Variants in RASA3 observed in about 807,000 individuals in gnomAD.
RASA3 encodes RAS p21 protein activator 3.
Under a neutral mutation model 110.0 loss-of-function variants are expected in RASA3, and 73 were observed. The ratio of observed to expected loss-of-function variants is 0.66; its 90% confidence interval spans 0.55 to 0.81. RASA3 has a LOEUF of 0.81. RASA3 is among the 30% of genes least tolerant of loss of function. RASA3 has a pLI of 0.00. For synonymous variants in RASA3, 500 were observed against 451.4 expected, an observed-to-expected ratio of 1.11 and a Z score of -1.37; for missense variants, 976 against 1,113.2, an observed-to-expected ratio of 0.88 and a Z score of 1.75.
At chr13:113,993,349 T>C (rs1355165907) in intron 21 of RASA3, among the ~76,000 whole-genome samples, 2 of 152,060 alleles carry the variant, frequency 1.3e-5, no homozygotes, top group African/African-American at 4.8e-5. Context: ...CTAATTTTTG[T>C]ATTTTTAGTA....
At chr13:113,981,420 T>G (rs143823186) in intron 23 of RASA3, among the ~76,000 whole-genome samples, 1 of 152,012 alleles carries the variant, frequency 6.6e-6, no homozygotes, top group Non-Finnish European at 1.5e-5. Context: ...AGGAAGCAGG[T>G]CAGGGAGGCA....
intron 14 of RASA3, among the ~76,000 whole-genome samples, chr13:114,013,744 CTCT>C (rs2053707566): frequency 6.5e-5 from 1 of 15,318 alleles, no homozygotes; most frequent in African/African-American, 9.4e-4. Flanking sequence ...GTCTCTGGCT[CTCT>C]CTCTCTCTCT....
rs114175315 is a variant in RASA3, at chr13:114,112,009, G to C, written c.55+20426C>G. Among the ~76,000 whole-genome samples, 2 of 152,108 alleles carry C rather than the reference G, an allele frequency of 1.3e-5. No individual in the cohort carries two copies. Among genetic ancestry groups the C allele is most frequent in the African/African-American group, 4.8e-5 (2 of 41,442 alleles). On this transcript the variant is annotated intron_variant, in intron 1 of 23. Transcript: ENST00000334062. This position sits in a 1 kb window ranked among gnomAD's most constrained non-coding sequence, Gnocchi z 4.8. The stretch of plus-strand genomic sequence containing the variant: ...GGCGAGGGTGGGAGCTGTAGCGGAA[G>C]AGACAAAAGCAAAAGGCAGATTCGC...
intron 7 of RASA3, among the ~76,000 whole-genome samples, chr13:114,024,847 G>A (rs754159037): frequency 5.3e-5 from 8 of 152,176 alleles, no homozygotes; most frequent in Non-Finnish European, 1.2e-4. Flanking sequence ...GCACTCCAGG[G>A]AGGGTCAGAC....
At chr13:114,049,087 C>G (rs1444039163) in intron 3 of RASA3, among the ~76,000 whole-genome samples, 1 of 151,976 alleles carries the variant, frequency 6.6e-6, no homozygotes, top group Non-Finnish European at 1.5e-5. Context: ...GCACCTCTCA[C>G]TCCTGGACCT....
rs2079952615 is a variant in RASA3, at chr13:114,096,898, C to T, written c.56-23061G>A. 6.6e-6 allele frequency among the ~76,000 whole-genome samples: 1 copy of T among 152,230 alleles called. No homozygotes were observed. Among genetic ancestry groups the T allele is most frequent in the Non-Finnish European group, 1.5e-5 (1 of 68,042 alleles). On this transcript the variant is annotated intron_variant, in intron 1 of 23. Coordinates refer to ENST00000334062, the MANE Select transcript of RASA3 (RefSeq NM_007368.4). This position sits in a 1 kb window ranked among gnomAD's most constrained non-coding sequence, Gnocchi z 5.1. ...GCCAAACGCACTCCGTGTTTGCCAACATGTGCGCCTTTGAACATGCGTTCT... is the reference window on the plus strand; with the variant it reads ...GCCAAACGCACTCCGTGTTTGCCAATATGTGCGCCTTTGAACATGCGTTCT...
intron 11 of RASA3, among the ~76,000 whole-genome samples, chr13:114,017,575 T>C (rs1308092354): frequency 6.6e-6 from 1 of 152,258 alleles, no homozygotes; most frequent in African/African-American, 2.4e-5. Context: ...TTCGGCTACC[T>C]GCGTGGCCAC....
At chr13:114,041,649 C>T (rs368493356) in intron 3 of RASA3, among the ~76,000 whole-genome samples, 2 of 152,244 alleles carry the variant, frequency 1.3e-5, no homozygotes, top group Admixed American at 1.3e-4. Context: ...CCCGTGCGAG[C>T]GACAGCCTGA....
chr13:114,001,404 GGACGCTCACACACAGAGGACCTA>G (rs2053394028), intron 18 of RASA3, among the ~76,000 whole-genome samples: 1 of 142,494 alleles, frequency 7.0e-6, no homozygotes, highest in African/African-American at 2.5e-5. Flanking sequence ...GGCGGGCAGT[GGACGCTCACACACAGAGGACCTA>G]CGGCCGCGGG....
chr13:113,997,437 A>G (rs2053281245), intron 20 of RASA3, among the ~76,000 whole-genome samples: 1 of 151,818 alleles, frequency 6.6e-6, no homozygotes, highest in African/African-American at 2.4e-5. Context: ...CTGGTGCTGT[A>G]GTCGGCGTTG....
chr13:114,104,899 A>C, intron 1 of RASA3, among the ~76,000 whole-genome samples: 1 of 102,854 alleles, frequency 9.7e-6, no homozygotes, highest in South Asian at 3.5e-4. Flanking sequence ...CCCTCCCCAC[A>C]CACGTTCGCC....
chr13:114,031,502 GTCTGCC>G (rs1594354835), intron 4 of RASA3, among the ~76,000 whole-genome samples: 1 of 151,116 alleles, frequency 6.6e-6, no homozygotes, highest in African/African-American at 2.4e-5. Context: ...GCGCGACTGT[GTCTGCC>G]TGTCTGTGCG....
chr13:114,074,048 C>T (rs1205993955), intron 1 of RASA3, among the ~76,000 whole-genome samples: 1 of 152,214 alleles, frequency 6.6e-6, no homozygotes, highest in African/African-American at 2.4e-5. Flanking sequence ...TAATGCAAGT[C>T]CCGCAAGCAG....
intron 21 of RASA3, among the ~76,000 whole-genome samples, chr13:113,995,803 TGGGGGTCCGGCTGAC>T (rs1311996575): frequency 9.1e-5 from 1 of 10,944 alleles, no homozygotes; most frequent in Non-Finnish European, 1.4e-4. Context: ...GTCCGGCTGA[TGGGGGTCCGGCTGAC>T]GGGGGGCCCG....
intron 1 of RASA3, among the ~76,000 whole-genome samples, chr13:114,110,004 G>A (rs371460505): frequency 7.2e-5 from 11 of 152,174 alleles, no homozygotes; most frequent in South Asian, 4.2e-4. Context: ...AGCGTCTGGC[G>A]GAGCCCAGTG....
chr13:114,082,078 A>G lies in RASA3; in HGVS notation c.56-8241T>C, dbSNP rs112120754. On this transcript the variant is annotated intron_variant, in intron 1 of 23. Transcript: ENST00000334062. ...GTAAGAACAGACATTCGTCTTGATT[A>G]GAAAGCCTGCAGGTGGTTCTGGGTG... Among the ~76,000 whole-genome samples the G allele has an allele frequency of 5.9e-5, 9 of 152,380 alleles. 1 individual carries two copies. The highest frequency in any genetic ancestry group is 1.9e-4 in the African/African-American group (8 of 41,594).
At chr13:114,035,204 G>T (rs2054256861) in intron 4 of RASA3, among the ~76,000 whole-genome samples, 3 of 152,246 alleles carry the variant, frequency 2.0e-5, no homozygotes. Context: ...TTCCTTGAGA[G>T]ATCAATAAAA....
At chr13:114,058,231 C>T (rs545409499) in intron 2 of RASA3, among the ~76,000 whole-genome samples, 10 of 152,306 alleles carry the variant, frequency 6.6e-5, no homozygotes, top group Middle Eastern at 6.8e-3. Context: ...TGCCATGAGC[C>T]CCATGGAGAC....
intron 1 of RASA3, among the ~76,000 whole-genome samples, chr13:114,104,658 G>T (rs1359819669): frequency 6.6e-6 from 1 of 152,164 alleles, no homozygotes; most frequent in Non-Finnish European, 1.5e-5. Context: ...ACAAGATTTG[G>T]CGTCTCAATG....
Sources: allele counts gnomAD v4.1 joint callset (sites outside exome capture counted in the v4.1 genomes callset), GRCh38; gene constraint gnomAD v4.1.1; non-coding constraint Gnocchi (gnomAD v3.1); transcripts MANE v1.5; gene names NCBI Gene and HGNC (gene_info 2026-07-23, HGNC 2026-07-21).